TASOR2: variants seen among roughly 807,000 people sequenced by gnomAD.
The protein encoded by TASOR2 is transcription activation suppressor family member 2.
Under a neutral mutation model 199.5 loss-of-function variants are expected in TASOR2, and 84 were observed. The observed-to-expected ratio is 0.42, with a 90% CI of 0.35 to 0.50. The LOEUF (loss-of-function observed/expected upper bound fraction) is 0.50. TASOR2 is among the 20% of genes least tolerant of loss of function. The pLI, the probability that TASOR2 is intolerant of heterozygous loss-of-function variation, is 0.02. For synonymous variants in TASOR2, 1,103 were observed against 1,046.6 expected, an observed-to-expected ratio of 1.05 and a Z score of -1.04; for missense variants, 2,796 against 2,835.9, an observed-to-expected ratio of 0.99 and a Z score of 0.32.
chr10:5,724,348 C>T, intron 7 of TASOR2, 82 bp from the exon 9 acceptor site: 1 of 583,876 alleles, frequency 1.7e-6, no homozygotes, highest in African/African-American at 2.1e-5. Flanking sequence ...TTCATTTTTG[C>T]AACATATAAA....
At chr10:5,733,612 A>C (rs529751523) in intron 11 of TASOR2, among the ~76,000 whole-genome samples, 2 of 152,242 alleles carry the variant, frequency 1.3e-5, no homozygotes, top group Non-Finnish European at 2.9e-5. Flanking sequence ...TGTAAACAAA[A>C]CAATCTATGC....
intron 15 of TASOR2, among the ~76,000 whole-genome samples, chr10:5,753,255 C>G (rs1822489477): frequency 6.6e-6 from 1 of 152,160 alleles, no homozygotes. Flanking sequence ...TTTGAGTCAA[C>G]TAACTATGAC....
chr10:5,686,295 CA>C (rs1166811460), intron 1 of TASOR2, among the ~76,000 whole-genome samples: 1 of 152,082 alleles, frequency 6.6e-6, no homozygotes, highest in East Asian at 1.9e-4. Context: ...TCCTGTGGTC[CA>C]AACATAGTTG....
At chr10:5,763,037 A>G in exon 21 of TASOR2, 3 of 1,611,950 alleles carry the variant, frequency 1.9e-6, no homozygotes, top group Non-Finnish European at 2.5e-6. Flanking sequence ...AGGTGACTCA[A>G]CTACAGCCTG....
chr10:5,707,981 C>T (rs145677754), intron 1 of TASOR2, among the ~76,000 whole-genome samples: 17 of 152,198 alleles, frequency 1.1e-4, no homozygotes, highest in African/African-American at 3.9e-4. Context: ...CATAAACAAC[C>T]TCCTTCATGA....
intron 1 of TASOR2, among the ~76,000 whole-genome samples, chr10:5,688,074 T>G (rs1042492649): frequency 2.0e-5 from 3 of 152,228 alleles, no homozygotes; most frequent in African/African-American, 7.2e-5. Context: ...GTATTCATTG[T>G]GTTGCCATGT....
chr10:5,709,800 T>A lies in TASOR2; in HGVS notation c.-287-3023T>A, dbSNP rs193272454. The A allele has an allele frequency of 1.3e-5, 10 of 756,688 alleles. No homozygotes were observed. The African/African-American group carries it at 1.4e-4, about 11-fold the overall frequency. 46.9% of individuals were successfully genotyped at this position (756,688 alleles called of 1,614,324 possible). The stretch of plus-strand genomic sequence containing the variant: ...TATGATTTCCAGTACCTATATTTTT[T>A]AAAATAATCATTAGTCCAAAAGTAA... On this transcript the variant is annotated intron_variant, in intron 1 of 20. Transcript: ENST00000328090.
intron 6 of TASOR2, 152 bp downstream of exon 7, chr10:5,721,122 A>G: frequency 1.8e-6 from 1 of 542,792 alleles, no homozygotes; most frequent in Non-Finnish European, 3.2e-6. Flanking sequence ...TGTATAGCAC[A>G]CAGGGTATGA....
chr10:5,684,887 G>A (rs1835634589), exon 1 of TASOR2: 1 of 395,344 alleles, frequency 2.5e-6, no homozygotes, highest in Non-Finnish European at 4.5e-6. Flanking sequence ...TGTTCTCGCA[G>A]GCTGCCGGGC....
rs1465001929 is a variant in TASOR2, at chr10:5,750,108, T to C, written c.6606+81T>C. Reference sequence around the variant, plus strand: ...AATAATAAATTTAGCATATTAGCCATCAAAAAGAAATCATGGTATGACATA... The same window carrying C: ...AATAATAAATTTAGCATATTAGCCACCAAAAAGAAATCATGGTATGACATA... On this transcript the variant is annotated intron_variant, in intron 15 of 20. Coordinates refer to ENST00000328090, the Ensembl canonical transcript of TASOR2. The surrounding 1 kb of genome is among the most constrained non-coding windows in gnomAD (Gnocchi z 5.4). The C allele has an allele frequency of 4.7e-5, 66 of 1,415,108 alleles. 1 individual carries two copies. The highest frequency in any genetic ancestry group is 4.2e-5 in the Non-Finnish European group (45 of 1,066,618). The allele number at this position is 1,415,108 out of a possible 1,614,324, so 87.7% of individuals were successfully genotyped here.
At position 5,710,351 on chromosome 10, in the gene TASOR2, C is replaced by A. The variant is rs959421041; in HGVS notation, c.-287-2472C>A. On this transcript the variant is annotated intron_variant, in intron 1 of 20. Transcript: ENST00000328090. The surrounding 1 kb of genome is among the most constrained non-coding windows in gnomAD (Gnocchi z 4.6). ...TAAAATCACTGCTTTTATGCATATA[C>A]TGCTATATATTGAAGAATACTGGCC... 4.6e-5 allele frequency among the ~76,000 whole-genome samples: 7 copies of A among 151,942 alleles called. No homozygotes were observed. Among genetic ancestry groups the A allele is most frequent in the African/African-American group, 7.3e-5 (3 of 41,294 alleles).
chr10:5,733,699 A>G (rs758728360), intron 11 of TASOR2, among the ~76,000 whole-genome samples: 4 of 152,222 alleles, frequency 2.6e-5, no homozygotes, highest in Non-Finnish European at 1.5e-5. Flanking sequence ...TTCTGTTTGT[A>G]CAAATATTAG....
intron 1 of TASOR2, among the ~76,000 whole-genome samples, chr10:5,691,497 G>C (rs9423934): frequency 0.94 from 143,306 of 152,312 alleles, 67,480 homozygotes; most frequent in Non-Finnish European, 0.96. Flanking sequence ...AAGGTAATTT[G>C]TCTCCTACTG....
rs766181233 is a variant in TASOR2 at position 5,739,716 on chromosome 10, G to A, written c.1546G>A (p.Ala516Thr). The A allele has an allele frequency of 6.8e-6, 11 of 1,614,032 alleles. No individual in the cohort carries two copies. The South Asian group carries it at 1.2e-4, about 18-fold the overall frequency. ...TAGTGTTCAACCAGAAAATACCACAGCGGCTCACAATGATCTTCCTGAAAA... is the reference window on the plus strand; with the variant it reads ...TAGTGTTCAACCAGAAAATACCACAACGGCTCACAATGATCTTCCTGAAAA... Residue 516 changes from alanine (A) to threonine (T), a missense_variant, in exon 13 of 21, where the codon GCG becomes ACG. Ala to Thr is a moderately conservative substitution (Grantham distance 58). Transcript: ENST00000328090.
rs1834612919 is a variant in TASOR2 at position 5,730,155 on chromosome 10, T to A, written c.488-332T>A. On this transcript the variant is annotated intron_variant, in intron 10 of 20. Coordinates refer to ENST00000328090, the Ensembl canonical transcript of TASOR2. This position sits in a 1 kb window ranked among gnomAD's most constrained non-coding sequence, Gnocchi z 4.1. ...ATCTGCCAGCTCTAAAGACCAGTGG[T>A]ACTGCTGTGATGAACCATTGAGCTC... 6.6e-6 allele frequency among the ~76,000 whole-genome samples: 1 copy of A among 152,224 alleles called. No homozygotes were observed. Among genetic ancestry groups the A allele is most frequent in the Non-Finnish European group, 1.5e-5 (1 of 68,040 alleles).
intron 1 of TASOR2, among the ~76,000 whole-genome samples, chr10:5,695,489 A>G (rs2131503375): frequency 6.6e-6 from 1 of 152,348 alleles, no homozygotes; most frequent in South Asian, 2.1e-4. Context: ...GTGCATTAGT[A>G]AAATGAGGTC....
rs920795320 is a variant in TASOR2, at chr10:5,689,363, T to C, written c.-288+4188T>C. On this transcript the variant is annotated intron_variant, in intron 1 of 20. Transcript: ENST00000328090. This position sits in a 1 kb window ranked among gnomAD's most constrained non-coding sequence, Gnocchi z 4.1. ...ACGCCTGTAATCCCAGCACTTTGGG[T>C]GGCCGAGGTGGGCGGATCAAGAGGT... Among the ~76,000 whole-genome samples the C allele has an allele frequency of 6.6e-6, 1 of 152,074 alleles. No individual in the cohort carries two copies. Among genetic ancestry groups the C allele is most frequent in the African/African-American group, 2.4e-5 (1 of 41,410 alleles).
At chr10:5,724,216 A>G (rs537918766) in intron 7 of TASOR2, among the ~76,000 whole-genome samples, 7 of 152,112 alleles carry the variant, frequency 4.6e-5, no homozygotes, top group African/African-American at 9.7e-5. Flanking sequence ...TGTTAATCCT[A>G]TAGCAGTGTC....
chr10:5,763,244 G>C (rs992713175), exon 21 of TASOR2: 23 of 455,144 alleles, frequency 5.1e-5, no homozygotes, highest in African/African-American at 3.9e-4. Flanking sequence ...TGCAGTGCTA[G>C]ATATTGTTTT....
Sources: allele counts gnomAD v4.1 joint callset (sites outside exome capture counted in the v4.1 genomes callset), GRCh38; gene constraint gnomAD v4.1.1; non-coding constraint Gnocchi (gnomAD v3.1); transcripts MANE v1.5; gene names NCBI Gene and HGNC (gene_info 2026-07-23, HGNC 2026-07-21).